PATL1: variants seen among roughly 807,000 people sequenced by gnomAD.
The protein encoded by PATL1 is protein PAT1 homolog 1.
PATL1 carries 32 observed loss-of-function variants against 100.6 expected under a neutral mutation model. The ratio of observed to expected loss-of-function variants is 0.32; its 90% CI spans 0.24 to 0.43. PATL1 has a LOEUF of 0.43. Among genes scored for constraint, PATL1 ranks in the 20% least tolerant of loss-of-function variants. The pLI, the probability that PATL1 is intolerant of heterozygous loss-of-function variation, is 1.00. For missense variants in PATL1, 747 were observed against 949.9 expected (o/e 0.79, Z 2.81); for synonymous variants, 332 against 330.0 (o/e 1.01, Z -0.07).
chr11:59,655,702 C>T lies in PATL1; in HGVS notation c.852G>A (p.Arg284=), dbSNP rs187702697. The stretch of plus-strand genomic sequence containing the variant: ...GTGGACTACCAACAAATCCAGGGAC[C>T]CGTGCAAACTGGCTGGGAGACATCC... ...PGRMSPSQFA[R]VPGFVGSPLA... is the part of the protein sequence containing the mutation. Residue 284 remains arginine, a synonymous_variant, in exon 8 of 19, where the codon CGG becomes CGA. Coordinates refer to ENST00000300146, the MANE Select transcript of PATL1 (RefSeq NM_152716.3). 6,380 of 1,603,232 alleles carry T rather than the reference C, an allele frequency of 4.0e-3. 23 individuals carry two copies. Among genetic ancestry groups the T allele is most frequent in the Non-Finnish European group, 4.7e-3 (5,567 of 1,174,812 alleles).
At position 59,650,751 on chromosome 11, in the gene PATL1, T is replaced by C; in HGVS notation, c.1584+3A>G. The C allele has an allele frequency of 6.5e-7, 1 of 1,547,472 alleles. No individual in the cohort carries two copies. Among genetic ancestry groups the C allele is most frequent in the Non-Finnish European group, 8.7e-7 (1 of 1,143,334 alleles). On this transcript the variant is annotated splice_donor_region_variant and intron_variant, in intron 13 of 18. Transcript: ENST00000300146. ...TAACTACAGCAACAAATTCTAAACT[T>C]ACTTTCTCAATTATAACAAGGGTTT...
intron 7 of PATL1, 35 bp from the exon 8 acceptor site, chr11:59,655,775 T>C: frequency 2.0e-6 from 3 of 1,524,818 alleles, no homozygotes; most frequent in Non-Finnish European, 2.7e-6. Flanking sequence ...ATTTAGACAA[T>C]CAGCAAGTCC....
chr11:59,646,504 CT>C, intron 15 of PATL1, among the ~76,000 whole-genome samples: 1 of 152,208 alleles, frequency 6.6e-6, no homozygotes, highest in Middle Eastern at 3.4e-3. Context: ...TAAATATATA[CT>C]TGTCCCAACC....
At position 59,639,107 on chromosome 11, in the gene PATL1, C is replaced by T. The variant is rs774750715; in HGVS notation, c.2232G>A (p.Val744=). 54 of 1,613,876 alleles carry T rather than the reference C, an allele frequency of 3.3e-5. No homozygotes were observed. The Admixed American group carries it at 3.7e-4, about 11-fold the overall frequency. The change falls in exon 18 of 19, where the codon GTG becomes GTA. Residue 744 remains valine (V), a synonymous_variant. Transcript: ENST00000300146. Reference sequence around the variant, plus strand: ...GGTCAACATAGCGAGAAAAGAGGGACACTAGGTTTGTAGGTATAGAGATTG... The same window carrying T: ...GGTCAACATAGCGAGAAAAGAGGGATACTAGGTTTGTAGGTATAGAGATTG... ...AKPISIPTNL[V]SLFSRYVDRQ...
At chr11:59,649,362 A>C in intron 14 of PATL1, 100 bp downstream of exon 14, 1 of 1,173,002 alleles carries the variant, frequency 8.5e-7, no homozygotes, top group Non-Finnish European at 1.2e-6. Flanking sequence ...GCTTACAGAG[A>C]TGGTAGGGAA....
At chr11:59,667,157 A>G in intron 1 of PATL1, 193 bp from the exon 2 acceptor site, 1 of 840,338 alleles carries the variant, frequency 1.2e-6, no homozygotes, top group Non-Finnish European at 1.4e-6. Context: ...TTCACTTTCT[A>G]TTTCCTAATC....
At position 59,642,873 on chromosome 11, in the gene PATL1, A is replaced by C; in HGVS notation, c.2049+7T>G. The C allele has an allele frequency of 6.2e-7, 1 of 1,610,038 alleles. No homozygotes were observed. Among genetic ancestry groups the C allele is most frequent in the Non-Finnish European group, 8.5e-7 (1 of 1,178,032 alleles). ...CAAAGTTCAAGGAGTTAAAAGGGCA[A>C]GATCACCTTGTTCTGGAGCACAGCA... On this transcript the variant is annotated splice_region_variant and intron_variant, in intron 16 of 18. Transcript: ENST00000300146.
At chr11:59,653,751 A>G (rs994713681) in intron 9 of PATL1, among the ~76,000 whole-genome samples, 2 of 152,186 alleles carry the variant, frequency 1.3e-5, no homozygotes, top group Non-Finnish European at 1.5e-5. Context: ...TAAATATTAC[A>G]CAGTATTATT....
intron 8 of PATL1, 30 bp downstream of exon 8, chr11:59,655,493 C>T (rs1294864056): frequency 6.7e-7 from 1 of 1,497,974 alleles, no homozygotes; most frequent in Non-Finnish European, 9.0e-7. Context: ...TGGCTGATAA[C>T]TGATAAACAG....
chr11:59,661,085 G>T (rs1861618517), intron 2 of PATL1, among the ~76,000 whole-genome samples: 1 of 152,040 alleles, frequency 6.6e-6, no homozygotes, highest in Non-Finnish European at 1.5e-5. Context: ...GCTCCATTCA[G>T]TATTTTTATT....
Position 59,637,084 on chromosome 11 carries a change from T to C in PATL1, c.*1306A>G, listed in dbSNP as rs1227810917. ...TATTCTCTTTAAATACCATAACCTG[T>C]CCCTCCCACCCCCCAACTACATTCG... On this transcript the variant is annotated 3_prime_UTR_variant, in exon 19 of 19. Transcript: ENST00000300146. The C allele has an allele frequency of 6.6e-6, 1 of 152,318 alleles. No homozygotes were observed. The highest frequency in any genetic ancestry group is 2.4e-5 in the African/African-American group (1 of 41,310). 9.4% of individuals were successfully genotyped at this position (152,318 alleles called of 1,614,324 possible). A position where few individuals can be genotyped will look rare whatever the true frequency, so the allele number is the denominator to read the frequency against.
chr11:59,651,456 T>C (rs2134747840), intron 12 of PATL1, 88 bp downstream of exon 12: 1 of 1,040,878 alleles, frequency 9.6e-7, no homozygotes, highest in East Asian at 2.5e-5. Flanking sequence ...CAAACAACTC[T>C]ACCATGCCTG....
chr11:59,655,474 C>T, intron 8 of PATL1, 49 bp downstream of exon 8: 1 of 1,420,180 alleles, frequency 7.0e-7, no homozygotes, highest in Non-Finnish European at 9.5e-7. Flanking sequence ...CATCCACAAT[C>T]AAGAGACTTG....
Position 59,639,179 on chromosome 11 carries a change from C to A in PATL1, c.2160G>T (p.Met720Ile). Residue 720 changes from methionine (M) to isoleucine (I), a missense_variant, in exon 18 of 19, where the codon ATG becomes ATT. By Grantham distance (10) the Met-to-Ile change is conservative. Transcript: ENST00000300146. Reference sequence around the variant, plus strand: ...GAATCCGCAGAAGTTCTCGTGTTGCCATGAACATCACCTCCGTCCTGACAG... The same window carrying A: ...GAATCCGCAGAAGTTCTCGTGTTGCAATGAACATCACCTCCGTCCTGACAG... ...QNNQWTEVMF[M>I]ATRELLRIPQ... 1 of 1,613,912 alleles carries A rather than the reference C, an allele frequency of 6.2e-7. No individual in the cohort carries two copies. The highest frequency in any genetic ancestry group is 1.1e-5 in the South Asian group (1 of 91,070).
rs777187953 is a variant in PATL1, at chr11:59,650,733, A to G, written c.1584+21T>C. 6 of 1,519,090 alleles carry G rather than the reference A, an allele frequency of 3.9e-6. No individual in the cohort carries two copies. In the South Asian group the frequency reaches 6.2e-5, roughly 16 times the overall value. The allele number at this position is 1,519,090 out of a possible 1,614,324, so 94.1% of individuals were successfully genotyped here. On this transcript the variant is annotated intron_variant, in intron 13 of 18. Transcript: ENST00000300146. ...CAGTTCCGTATTTGAAACTAACTAC[A>G]GCAACAAATTCTAAACTTACTTTCT...
At chr11:59,643,490 C>T (rs1350456882) in intron 15 of PATL1, among the ~76,000 whole-genome samples, 2 of 151,596 alleles carry the variant, frequency 1.3e-5, no homozygotes, top group Non-Finnish European at 2.9e-5. Context: ...CAGAAGATCA[C>T]TTCAGGCCAG....
At chr11:59,648,216 C>G (rs543061681) in intron 14 of PATL1, among the ~76,000 whole-genome samples, 1 of 147,124 alleles carries the variant, frequency 6.8e-6, no homozygotes, top group Non-Finnish European at 1.5e-5. Context: ...GACGAAGTCC[C>G]GCTTTGTTAC....
chr11:59,664,556 T>C (rs890147997), intron 2 of PATL1, among the ~76,000 whole-genome samples: 2 of 152,220 alleles, frequency 1.3e-5, no homozygotes, highest in African/African-American at 4.8e-5. Flanking sequence ...GTAGCTTCTA[T>C]GGTATTCTAT....
chr11:59,655,435 G>T, intron 8 of PATL1, 88 bp downstream of exon 8: 3 of 1,179,458 alleles, frequency 2.5e-6, no homozygotes, highest in Non-Finnish European at 3.5e-6. Context: ...TTTATAGTTA[G>T]CAAATATCAA....
Sources: allele counts gnomAD v4.1 joint callset (sites outside exome capture counted in the v4.1 genomes callset), GRCh38; gene constraint gnomAD v4.1.1; transcripts MANE v1.5; gene names NCBI Gene and HGNC (gene_info 2026-07-23, HGNC 2026-07-21).